The following CNTNAP2 variants were observed in gnomAD, a reference collection of about 807,000 sequenced individuals.
The protein encoded by CNTNAP2 is contactin-associated protein-like 2.
CNTNAP2 carries 98 observed loss-of-function variants against 155.2 expected under a neutral mutation model. The ratio of observed to expected loss-of-function variants is 0.63; its 90% confidence interval spans 0.54 to 0.75. The LOEUF is 0.75. Ranked by LOEUF, CNTNAP2 falls within the 30% of genes least tolerant of loss-of-function variation. The probability of loss-of-function intolerance (pLI) is 0.00; values close to 1 mark genes in which losing one functional copy is unlikely to be tolerated. For synonymous variants in CNTNAP2, 651 were observed against 631.2 expected (o/e 1.03, Z -0.47); for missense variants, 1,727 against 1,688.1 (o/e 1.02, Z -0.40).
At chr7:146,982,331 T>C (rs1350172641) in intron 3 of CNTNAP2, among the ~76,000 whole-genome samples, 3 of 152,164 alleles carry the variant, frequency 2.0e-5, no homozygotes, top group African/African-American at 4.8e-5. Context: ...GATCATGTTA[T>C]GTACTACAAA....
chr7:146,805,428 T>A (rs1370326068), intron 2 of CNTNAP2, among the ~76,000 whole-genome samples: 1 of 152,226 alleles, frequency 6.6e-6, no homozygotes, highest in Admixed American at 6.5e-5. Context: ...GGATTTGCTC[T>A]CTGTTTTCAC....
intron 8 of CNTNAP2, among the ~76,000 whole-genome samples, chr7:147,205,582 A>G (rs1803007971): frequency 8.7e-6 from 1 of 114,806 alleles, no homozygotes; most frequent in Non-Finnish European, 2.0e-5. Flanking sequence ...TTTTTAACAA[A>G]GTGGATGGGA....
intron 20 of CNTNAP2, among the ~76,000 whole-genome samples, chr7:148,259,992 A>C (rs547566055): frequency 6.6e-6 from 1 of 152,324 alleles, no homozygotes; most frequent in African/African-American, 2.4e-5. Flanking sequence ...CTAAATGTAC[A>C]GCAAAATACA....
intron 20 of CNTNAP2, among the ~76,000 whole-genome samples, chr7:148,264,015 G>C (rs376367962): frequency 2.6e-5 from 4 of 152,230 alleles, no homozygotes; most frequent in South Asian, 4.2e-4. Context: ...TTCGGTGCTC[G>C]CGACTTTAAA....
chr7:148,159,289 C>T (rs1159509566), intron 17 of CNTNAP2, among the ~76,000 whole-genome samples: 10 of 152,092 alleles, frequency 6.6e-5, no homozygotes, highest in Non-Finnish European at 2.9e-5. Flanking sequence ...TCGCCGACAC[C>T]CACTGAAACG....
intron 1 of CNTNAP2, among the ~76,000 whole-genome samples, chr7:146,570,562 A>G: frequency 6.6e-6 from 1 of 152,196 alleles, no homozygotes; most frequent in Non-Finnish European, 1.5e-5. Context: ...TAAACTAATA[A>G]TGGTTGATGA....
chr7:146,168,476 T>C (rs1346898096), intron 1 of CNTNAP2, among the ~76,000 whole-genome samples: 1 of 152,148 alleles, frequency 6.6e-6, no homozygotes, highest in Non-Finnish European at 1.5e-5. Flanking sequence ...TTTTTCTATA[T>C]GTTGAAAGAG....
chr7:146,533,107 C>CAAAAAAAAAAAAA (rs553035616), intron 1 of CNTNAP2, among the ~76,000 whole-genome samples: 8 of 47,850 alleles, frequency 1.7e-4, no homozygotes, highest in African/African-American at 4.8e-4. Context: ...GACCCTGTCT[C>CAAAAAAAAAAAAA]AAAAAAAAAA....
In CNTNAP2 at chr7:148,155,626, T is replaced by G. The variant is rs115474432; in HGVS notation, c.2773+7917T>G. ...CCATTTCAAAGAGATGACTCCCAAGTTTTTGAAAAAGCCATTCCTGGGTTG... is the reference window on the plus strand; with the variant it reads ...CCATTTCAAAGAGATGACTCCCAAGGTTTTGAAAAAGCCATTCCTGGGTTG... On this transcript the variant is annotated intron_variant, in intron 17 of 23. Transcript: ENST00000361727. Among the ~76,000 whole-genome samples the G allele has an allele frequency of 6.1e-3, 927 of 152,242 alleles. 10 individuals are homozygous for G. The highest frequency in any genetic ancestry group is 0.02 in the African/African-American group (842 of 41,568).
At chr7:146,159,956 C>A (rs937544618) in intron 1 of CNTNAP2, among the ~76,000 whole-genome samples, 1 of 152,172 alleles carries the variant, frequency 6.6e-6, no homozygotes, top group Non-Finnish European at 1.5e-5. Flanking sequence ...AGTGCCACAT[C>A]ACACTTATTC....
At chr7:147,796,642 C>A (rs1326777240) in intron 13 of CNTNAP2, among the ~76,000 whole-genome samples, 2 of 151,660 alleles carry the variant, frequency 1.3e-5, no homozygotes, top group African/African-American at 2.4e-5. Flanking sequence ...TACCCTCATG[C>A]AGATAATCAA....
At chr7:146,543,897 C>A (rs1171202309) in intron 1 of CNTNAP2, among the ~76,000 whole-genome samples, 1 of 151,854 alleles carries the variant, frequency 6.6e-6, no homozygotes, top group Non-Finnish European at 1.5e-5. Flanking sequence ...CATTAAAAAA[C>A]CACTCCTTGG....
At chr7:147,554,781 C>T (rs1434143749) in intron 11 of CNTNAP2, among the ~76,000 whole-genome samples, 2 of 151,610 alleles carry the variant, frequency 1.3e-5, no homozygotes, top group Non-Finnish European at 2.9e-5. Flanking sequence ...TTGCTGTGTG[C>T]TGATAATGAG....
At chr7:147,114,063 C>A (rs1800936985) in intron 5 of CNTNAP2, among the ~76,000 whole-genome samples, 1 of 152,112 alleles carries the variant, frequency 6.6e-6, no homozygotes, top group Non-Finnish European at 1.5e-5. Flanking sequence ...GCCTTAATTT[C>A]ATTATTTACC....
intron 15 of CNTNAP2, among the ~76,000 whole-genome samples, chr7:148,034,602 C>T (rs1802539551): frequency 6.6e-6 from 1 of 152,182 alleles, no homozygotes; most frequent in Non-Finnish European, 1.5e-5. Flanking sequence ...TATTCTGTTA[C>T]AGCAGCACAA....
intron 1 of CNTNAP2, among the ~76,000 whole-genome samples, chr7:146,260,389 A>T (rs535841166): frequency 2.6e-5 from 4 of 152,260 alleles, no homozygotes; most frequent in African/African-American, 9.6e-5. Flanking sequence ...GAAACAGTAG[A>T]TCCACAGACA....
At chr7:147,192,410 C>T in intron 8 of CNTNAP2, among the ~76,000 whole-genome samples, 1 of 152,094 alleles carries the variant, frequency 6.6e-6, no homozygotes, top group East Asian at 1.9e-4. Context: ...CTAAAAGTTC[C>T]ACCTCCCTAC....
chr7:147,737,867 A>G (rs1796883779), intron 13 of CNTNAP2, among the ~76,000 whole-genome samples: 1 of 152,212 alleles, frequency 6.6e-6, no homozygotes, highest in African/African-American at 2.4e-5. Flanking sequence ...GACCATTGGA[A>G]AAGTACAATA....
intron 3 of CNTNAP2, among the ~76,000 whole-genome samples, chr7:146,876,764 A>G (rs111903599): frequency 0.037 from 5,709 of 152,256 alleles, 129 homozygotes; most frequent in Non-Finnish European, 0.044. Context: ...TCCAATACAC[A>G]TTATTGGGTC....
Sources: allele counts gnomAD v4.1 joint callset (sites outside exome capture counted in the v4.1 genomes callset), GRCh38; gene constraint gnomAD v4.1.1; transcripts MANE v1.5; gene names NCBI Gene and HGNC (gene_info 2026-07-23, HGNC 2026-07-21).